The following DMD variants were observed in gnomAD, a reference collection of about 807,000 sequenced individuals.
DMD encodes mutant dystrophin.
Under a neutral mutation model 330.1 loss-of-function variants are expected in DMD, and 63 were observed. The ratio of observed to expected loss-of-function variants is 0.19; its 90% CI spans 0.16 to 0.24. DMD has a LOEUF of 0.24. DMD is among the 10% of genes least tolerant of loss of function. DMD has a pLI of 1.00. For missense variants in DMD, 3,344 were observed against 2,684.1 expected, an observed-to-expected ratio of 1.25 and a Z score of -5.43; for synonymous variants, 1,223 against 959.8, an observed-to-expected ratio of 1.27 and a Z score of -5.07.
At chrX:32,228,754 A>T (rs770452241) in intron 43 of DMD, among the ~76,000 whole-genome samples, 1 of 111,687 alleles carries the variant, frequency 9.0e-6, no homozygotes, top group South Asian at 3.7e-4. Context: ...CTAGCTTCCA[A>T]GTCTTAGCTT....
chrX:31,426,506 G>A (rs1475986086), intron 60 of DMD, among the ~76,000 whole-genome samples: 1 of 112,377 alleles, frequency 8.9e-6, no homozygotes, highest in Non-Finnish European at 1.9e-5. Flanking sequence ...GACTTAAAGT[G>A]AGGTTTACAT....
chrX:31,657,480 T>C (rs187603687), intron 54 of DMD, among the ~76,000 whole-genome samples: 15 of 111,995 alleles, frequency 1.3e-4, no homozygotes, highest in Admixed American at 9.5e-5. Context: ...ATACTGTCTA[T>C]AAGCGCTGTT....
chrX:32,953,167 T>G (rs771992369), intron 2 of DMD, among the ~76,000 whole-genome samples: 1 of 108,448 alleles, frequency 9.2e-6, no homozygotes, highest in Admixed American at 1.0e-4. Context: ...GAAAAGAAAT[T>G]TAAGCGAAGA....
At chrX:33,199,467 G>T (rs1046569577) in intron 1 of DMD, among the ~76,000 whole-genome samples, 10 of 111,071 alleles carry the variant, frequency 9.0e-5, no homozygotes, top group Admixed American at 8.7e-4. Context: ...GAAGGAAGCA[G>T]GTTTTGTGCG....
At chrX:31,497,093 A>C (rs2069941534) in intron 56 of DMD, 149 bp from the exon 57 acceptor site, 10 of 703,431 alleles carry the variant, frequency 1.4e-5, no homozygotes, top group Non-Finnish European at 2.1e-5. Context: ...GAGAGCCACA[A>C]AACAGAGGAT....
chrX:32,349,108 C>T (rs2097773287), intron 37 of DMD, among the ~76,000 whole-genome samples: 1 of 111,345 alleles, frequency 9.0e-6, no homozygotes, highest in Admixed American at 9.6e-5. Context: ...ACGAATGAAC[C>T]TAATATATTT....
intron 62 of DMD, among the ~76,000 whole-genome samples, chrX:31,266,195 C>CA (rs2051082601): frequency 1.7e-5 from 1 of 57,386 alleles, no homozygotes; most frequent in Non-Finnish European, 3.2e-5. Flanking sequence ...CCCAAACAAA[C>CA]AAAAATCCCC....
At chrX:32,042,050 T>C (rs1457015492) in intron 44 of DMD, among the ~76,000 whole-genome samples, 1 of 83,566 alleles carries the variant, frequency 1.2e-5, no homozygotes, top group Non-Finnish European at 2.3e-5. Flanking sequence ...TATATATATA[T>C]ATATATATAT....
At chrX:32,035,832 G>A (rs995771375) in intron 44 of DMD, among the ~76,000 whole-genome samples, 1 of 107,068 alleles carries the variant, frequency 9.3e-6, no homozygotes, top group Non-Finnish European at 1.9e-5. Context: ...ATGAATTCAT[G>A]TCCCAACGAA....
chrX:32,965,493 C>CAA (rs34853368), intron 2 of DMD, among the ~76,000 whole-genome samples: 5,130 of 34,530 alleles, frequency 0.15, 227 homozygotes, highest in Middle Eastern at 0.25. Context: ...GACTCTGTCT[C>CAA]AAAAAAAAAA....
intron 44 of DMD, among the ~76,000 whole-genome samples, chrX:32,075,756 A>C (rs1441477823): frequency 1.8e-5 from 2 of 110,398 alleles, no homozygotes. Flanking sequence ...AAAAAAAAAA[A>C]GTTTATTTAG....
intron 7 of DMD, among the ~76,000 whole-genome samples, chrX:32,736,856 T>A (rs1387540641): frequency 9.1e-6 from 1 of 110,022 alleles, no homozygotes; most frequent in Admixed American, 9.7e-5. Context: ...GCATGGCACA[T>A]GTATACGTAT....
intron 2 of DMD, among the ~76,000 whole-genome samples, chrX:32,875,081 T>C (rs765788423): frequency 1.3e-4 from 15 of 112,157 alleles, no homozygotes; most frequent in African/African-American, 4.5e-4. Context: ...TTTAAGCCAC[T>C]GTACTTGGGG....
At chrX:32,929,442 C>G (rs1032618937) in intron 2 of DMD, among the ~76,000 whole-genome samples, 6 of 110,650 alleles carry the variant, frequency 5.4e-5, no homozygotes, top group Non-Finnish European at 1.1e-4. Context: ...CTCTCTCTCT[C>G]TCACTGTTCC....
intron 57 of DMD, among the ~76,000 whole-genome samples, chrX:31,481,995 A>T (rs2068324171): frequency 1.8e-5 from 2 of 110,539 alleles, no homozygotes; most frequent in South Asian, 7.9e-4. Context: ...AGAAAAAATG[A>T]TTTTTCCTAG....
intron 45 of DMD, among the ~76,000 whole-genome samples, chrX:31,960,919 T>C (rs1420802941): frequency 3.6e-5 from 4 of 111,947 alleles, no homozygotes; most frequent in African/African-American, 1.3e-4. Flanking sequence ...TGTATGATTC[T>C]CTCTGATCAA....
intron 9 of DMD, among the ~76,000 whole-genome samples, chrX:32,672,809 T>C (rs1029777479): frequency 3.6e-5 from 4 of 110,650 alleles, no homozygotes; most frequent in Non-Finnish European, 5.7e-5. Context: ...AATAACTACC[T>C]GGCATAGATA....
chrX:31,836,319 T>A (rs1323066159), intron 49 of DMD, among the ~76,000 whole-genome samples: 3 of 112,434 alleles, frequency 2.7e-5, no homozygotes, highest in Non-Finnish European at 5.6e-5. Flanking sequence ...GACCATATTG[T>A]GATTCTTTAC....
intron 1 of DMD, among the ~76,000 whole-genome samples, chrX:33,296,968 A>C (rs1195876808): frequency 9.0e-6 from 1 of 111,154 alleles, no homozygotes; most frequent in Non-Finnish European, 1.9e-5. Flanking sequence ...TAAGAATAAC[A>C]CCTCTGAAGT....
Sources: gnomAD v4.1 joint callset for allele counts (sites outside exome capture counted in the v4.1 genomes callset) on GRCh38, gnomAD v4.1.1 for gene constraint, MANE v1.5 for transcripts, NCBI Gene and HGNC (gene_info 2026-07-23, HGNC 2026-07-21) for gene names.